Variants in STPG2 observed in about 807,000 individuals in gnomAD.
The protein encoded by STPG2 is sperm tail PG-rich repeat containing 2.
STPG2 carries 56 observed loss-of-function variants against 54.2 expected under a neutral mutation model. The ratio of observed to expected loss-of-function variants is 1.03; its 90% CI spans 0.83 to 1.29. The LOEUF is 1.29. Among genes scored for constraint, STPG2 ranks in the 50% most tolerant of loss-of-function variants. The pLI is 0.00. For missense variants in STPG2, 596 were observed against 544.9 expected (o/e 1.09, Z -0.93); for synonymous variants, 200 against 181.8 (o/e 1.10, Z -0.81).
intron 8 of STPG2, among the ~76,000 whole-genome samples, chr4:97,924,287 C>A (rs1732251968): frequency 6.6e-6 from 1 of 152,184 alleles, no homozygotes; most frequent in Non-Finnish European, 1.5e-5. Context: ...CAAGAACCCA[C>A]CAATTCCAGA....
chr4:98,125,882 A>T (rs759332889), intron 3 of STPG2, among the ~76,000 whole-genome samples: 2 of 152,132 alleles, frequency 1.3e-5, no homozygotes, highest in Non-Finnish European at 2.9e-5. Flanking sequence ...TGAAATTCCC[A>T]TGGGGAGGCC....
At chr4:97,445,437 A>T (rs532222481) in intron 4 of STPG2, among the ~76,000 whole-genome samples, 1 of 152,236 alleles carries the variant, frequency 6.6e-6, no homozygotes, top group African/African-American at 2.4e-5. Flanking sequence ...TAACGACCAC[A>T]TAAGAAGTAA....
chr4:97,666,951 C>A (rs1013095127), intron 10 of STPG2, among the ~76,000 whole-genome samples: 3 of 152,150 alleles, frequency 2.0e-5, no homozygotes, highest in Non-Finnish European at 4.4e-5. Context: ...ACCATTATCA[C>A]CATCACTGAC....
chr4:98,071,172 C>T (rs968507379), intron 5 of STPG2, among the ~76,000 whole-genome samples: 2 of 152,098 alleles, frequency 1.3e-5, no homozygotes, highest in African/African-American at 4.8e-5. Flanking sequence ...AACTATACTA[C>T]AAGACTACAA....
chr4:97,745,883 T>C (rs1725407813), intron 9 of STPG2, among the ~76,000 whole-genome samples: 1 of 151,290 alleles, frequency 6.6e-6, no homozygotes, highest in African/African-American at 2.4e-5. Flanking sequence ...TCAATACTTG[T>C]AGAAAAATAA....
intron 8 of STPG2, among the ~76,000 whole-genome samples, chr4:97,934,861 C>T (rs545510959): frequency 3.2e-4 from 48 of 152,254 alleles, no homozygotes; most frequent in African/African-American, 1.1e-3. Context: ...CAGGATGATG[C>T]TGGCCTCATA....
intron 8 of STPG2, among the ~76,000 whole-genome samples, chr4:97,871,703 G>A (rs1276212982): frequency 3.3e-5 from 5 of 151,180 alleles, no homozygotes; most frequent in South Asian, 2.1e-4. Flanking sequence ...TTCTAACTAC[G>A]AAGTTGTTAT....
chr4:97,996,494 T>G (rs1173275972), intron 5 of STPG2, among the ~76,000 whole-genome samples: 1 of 152,178 alleles, frequency 6.6e-6, no homozygotes, highest in Non-Finnish European at 1.5e-5. Flanking sequence ...AATCTAAAAC[T>G]ATAAAATTCC....
chr4:98,031,510 C>G (rs1736596919), intron 5 of STPG2, among the ~76,000 whole-genome samples: 1 of 152,032 alleles, frequency 6.6e-6, no homozygotes, highest in African/African-American at 2.4e-5. Flanking sequence ...AACCCCATCT[C>G]TACTAAAAAT....
chr4:97,658,071 A>G (rs1044611269), intron 10 of STPG2, among the ~76,000 whole-genome samples: 2 of 152,096 alleles, frequency 1.3e-5, no homozygotes, highest in Non-Finnish European at 2.9e-5. Flanking sequence ...ATGATGATGG[A>G]TTTTTCTAAA....
At chr4:97,947,204 T>C (rs1225309942) in intron 7 of STPG2, among the ~76,000 whole-genome samples, 1 of 152,142 alleles carries the variant, frequency 6.6e-6, no homozygotes, top group Non-Finnish European at 1.5e-5. Context: ...TGTATATCAG[T>C]GTTACTGATT....
intron 5 of STPG2, among the ~76,000 whole-genome samples, chr4:97,999,706 A>G (rs1262395575): frequency 6.6e-6 from 1 of 151,658 alleles, no homozygotes; most frequent in East Asian, 1.9e-4. Context: ...CTCAAAAAAC[A>G]AAAAAGAAAC....
At chr4:97,951,502 T>G (rs1262554192) in intron 7 of STPG2, among the ~76,000 whole-genome samples, 1 of 152,210 alleles carries the variant, frequency 6.6e-6, no homozygotes, top group Non-Finnish European at 1.5e-5. Context: ...TTTTTTTTAT[T>G]TCTTTTTCCC....
At chr4:97,990,494 T>C (rs902251274) in intron 5 of STPG2, among the ~76,000 whole-genome samples, 3 of 152,144 alleles carry the variant, frequency 2.0e-5, no homozygotes, top group African/African-American at 7.2e-5. Flanking sequence ...TGCATTAATA[T>C]CAACCTATTA....
chr4:97,778,182 G>A (rs949575262), intron 9 of STPG2, among the ~76,000 whole-genome samples: 4 of 152,182 alleles, frequency 2.6e-5, no homozygotes, highest in African/African-American at 9.7e-5. Context: ...AGGGGTGACA[G>A]ACAGCACCTG....
intron 4 of STPG2, among the ~76,000 whole-genome samples, chr4:97,527,982 G>T (rs532566133): frequency 6.6e-6 from 1 of 152,020 alleles, no homozygotes; most frequent in South Asian, 2.1e-4. Flanking sequence ...TTCTTTTGTT[G>T]TGCAGAAGCT....
At chr4:97,845,744 T>C (rs939011402) in intron 8 of STPG2, among the ~76,000 whole-genome samples, 2 of 152,150 alleles carry the variant, frequency 1.3e-5, no homozygotes, top group African/African-American at 4.8e-5. Context: ...AATTTTAAAA[T>C]TATTGTTTGA....
chr4:97,587,119 G>A lies in STPG2; in HGVS notation c.1321-28002C>T, dbSNP rs116014286. ...ATTCACTCATCTTAATATGTCCATT[G>A]TATTTTTCAGAATGATTAACACATA... On this transcript the variant is annotated intron_variant, in intron 10 of 10. Transcript: ENST00000295268. 7.7e-3 allele frequency among the ~76,000 whole-genome samples: 1,163 copies of A among 152,006 alleles called. 15 individuals carry two copies. Among genetic ancestry groups the A allele is most frequent in the African/African-American group, 0.025 (1,028 of 41,516 alleles).
chr4:97,940,416 C>A (rs1344623033), intron 8 of STPG2, among the ~76,000 whole-genome samples: 1 of 152,160 alleles, frequency 6.6e-6, no homozygotes, highest in Non-Finnish European at 1.5e-5. Flanking sequence ...GCTTTTTTCC[C>A]TTCCCTTTCA....
Sources: gnomAD v4.1 joint callset for allele counts (sites outside exome capture counted in the v4.1 genomes callset) on GRCh38, gnomAD v4.1.1 for gene constraint, MANE v1.5 for transcripts, NCBI Gene and HGNC (gene_info 2026-07-23, HGNC 2026-07-21) for gene names.